SEMA6A: variants seen among roughly 807,000 people sequenced by gnomAD.
The protein encoded by SEMA6A is semaphorin 6A.
A neutral mutation model predicts 96.8 loss-of-function variants in SEMA6A; 25 were observed. The observed-to-expected ratio is 0.26, with a 90% CI of 0.19 to 0.36. SEMA6A has a LOEUF of 0.36. SEMA6A is among the 10% of genes least tolerant of loss of function. SEMA6A has a pLI of 1.00. For synonymous variants in SEMA6A, 612 were observed against 518.0 expected, an observed-to-expected ratio of 1.18 and a Z score of -2.46; for missense variants, 1,363 against 1,323.1, an observed-to-expected ratio of 1.03 and a Z score of -0.47.
chr5:116,533,127 A>G (rs536601735), intron 1 of SEMA6A, among the ~76,000 whole-genome samples: 1 of 152,232 alleles, frequency 6.6e-6, no homozygotes, highest in Non-Finnish European at 1.5e-5. Flanking sequence ...AATTCAAACT[A>G]TGCAAAGCTT....
At chr5:116,458,050 T>C (rs764459345) in intron 18 of SEMA6A, among the ~76,000 whole-genome samples, 4 of 152,100 alleles carry the variant, frequency 2.6e-5, no homozygotes, top group Non-Finnish European at 5.9e-5. Flanking sequence ...GTGGACTAGT[T>C]TGTCTATGGA....
rs543868425 is a variant in SEMA6A at position 116,487,013 on chromosome 5, A to C, written c.745-47T>G. ...GGAAAATTAAATGCATTCATTTTGC[A>C]AGGAGATCTTAGTAGAATCTGCATT... On this transcript the variant is annotated intron_variant, in intron 9 of 18. Transcript: ENST00000343348. The C allele has an allele frequency of 5.0e-6, 7 of 1,388,854 alleles. No individual in the cohort carries two copies. In the East Asian group the frequency reaches 1.1e-4, roughly 23 times the overall value. The allele number at this position is 1,388,854 out of a possible 1,614,324, so 86.0% of individuals were successfully genotyped here.
chr5:116,466,712 C>T (rs1034442598), intron 18 of SEMA6A, among the ~76,000 whole-genome samples: 9 of 152,176 alleles, frequency 5.9e-5, no homozygotes, highest in South Asian at 2.1e-4. Context: ...CTCAAACTCC[C>T]GCTTGGATGA....
chr5:116,567,142 T>G (rs1352300845), intron 1 of SEMA6A, among the ~76,000 whole-genome samples: 1 of 152,076 alleles, frequency 6.6e-6, no homozygotes, highest in African/African-American at 2.4e-5. Flanking sequence ...CTCTGCTTGT[T>G]ATTATTATTA....
chr5:116,465,962 T>C (rs1200485692), intron 18 of SEMA6A, among the ~76,000 whole-genome samples: 2 of 149,932 alleles, frequency 1.3e-5, no homozygotes, highest in African/African-American at 4.9e-5. Flanking sequence ...AGGCTTGTAA[T>C]CTGTCCGGAC....
intron 1 of SEMA6A, among the ~76,000 whole-genome samples, chr5:116,541,141 T>C (rs1027385118): frequency 6.6e-6 from 1 of 152,024 alleles, no homozygotes; most frequent in African/African-American, 2.4e-5. Flanking sequence ...GTGATGGGTG[T>C]TGGGGTGGAG....
At chr5:116,521,756 A>G (rs946087789) in intron 1 of SEMA6A, among the ~76,000 whole-genome samples, 3 of 152,226 alleles carry the variant, frequency 2.0e-5, no homozygotes, top group Admixed American at 1.3e-4. Context: ...GAATGTGTGA[A>G]AGGCTGAGAA....
chr5:116,563,207 C>T (rs1366499851), intron 1 of SEMA6A, among the ~76,000 whole-genome samples: 1 of 152,142 alleles, frequency 6.6e-6, no homozygotes, highest in Non-Finnish European at 1.5e-5. Context: ...ACTGGGGCAC[C>T]ACTCAAAATC....
chr5:116,561,381 C>T (rs969618603), intron 1 of SEMA6A, among the ~76,000 whole-genome samples: 45 of 152,290 alleles, frequency 3.0e-4, no homozygotes, highest in African/African-American at 1.0e-3. Flanking sequence ...ATCTAAACAC[C>T]TCAAAGCTGG....
At position 116,548,095 on chromosome 5, in the gene SEMA6A, C is replaced by T. The variant is rs551441952; in HGVS notation, c.-39+26090G>A. ...ACTTAATTTCCCACTTTGGGGTTGA[C>T]CAGTCTTGAATTGGCTCCAAAGCTC... On this transcript the variant is annotated intron_variant, in intron 1 of 18. Transcript: ENST00000343348. Among the ~76,000 whole-genome samples the T allele has an allele frequency of 2.6e-5, 4 of 152,294 alleles. No homozygotes were observed. The East Asian group carries it at 7.7e-4, about 29-fold the overall frequency.
At chr5:116,505,932 T>C (rs372816912) in intron 1 of SEMA6A, among the ~76,000 whole-genome samples, 9 of 152,274 alleles carry the variant, frequency 5.9e-5, no homozygotes, top group African/African-American at 1.9e-4. Context: ...CTCAGGCATA[T>C]TGCAAATAAG....
intron 1 of SEMA6A, chr5:116,536,304 A>C (rs972667554): frequency 4.6e-5 from 7 of 152,130 alleles, no homozygotes; most frequent in Non-Finnish European, 7.3e-5. Flanking sequence ...TTACAAACAA[A>C]AAAAAAAAGA....
At position 116,502,192 on chromosome 5, in the gene SEMA6A, G is replaced by T; in HGVS notation, c.218+18C>A. 1 of 1,601,162 alleles carries T rather than the reference G, an allele frequency of 6.2e-7. No individual in the cohort carries two copies. Among genetic ancestry groups the T allele is most frequent in the Non-Finnish European group, 8.6e-7 (1 of 1,168,246 alleles). On this transcript the variant is annotated intron_variant, in intron 3 of 18. Coordinates refer to ENST00000343348, the MANE Select transcript of SEMA6A (RefSeq NM_020796.5). ...TTTTGGACACTCTCAAGGCAGACATGGGGAAAAGGCCCCTTACCTAGCAGC... is the reference window on the plus strand; with the variant it reads ...TTTTGGACACTCTCAAGGCAGACATTGGGAAAAGGCCCCTTACCTAGCAGC...
At chr5:116,521,744 G>A (rs1758958576) in intron 1 of SEMA6A, among the ~76,000 whole-genome samples, 1 of 152,182 alleles carries the variant, frequency 6.6e-6, no homozygotes, top group East Asian at 1.9e-4. Context: ...ACTCAAATGA[G>A]AGAATGTGTG....
At chr5:116,543,792 T>A (rs1760075433) in intron 1 of SEMA6A, among the ~76,000 whole-genome samples, 1 of 152,190 alleles carries the variant, frequency 6.6e-6, no homozygotes, top group Non-Finnish European at 1.5e-5. Context: ...TGTGTTTGGA[T>A]AATGTGGTCA....
chr5:116,486,943 C>A lies in SEMA6A; in HGVS notation c.768G>T (p.Gln256His). 2 of 1,613,708 alleles carry A rather than the reference C, an allele frequency of 1.2e-6. No homozygotes were observed. The highest frequency in any genetic ancestry group is 1.7e-6 in the Non-Finnish European group (2 of 1,179,714). Residue 256 changes from glutamine to histidine, a missense_variant, in exon 10 of 19, where the codon CAG (glutamine) becomes CAT (histidine). Physicochemically the swap from Gln to His is conservative, Grantham distance 24. Transcript: ENST00000343348. The stretch of plus-strand genomic sequence containing the variant: ...ATCCTCCCATATCATTCTTACAAAC[C>A]TGAGCCACTCTTGGGAAAACTACCT... ...MGKVVFPRVA[Q>H]VCKNDMGGSQ... is the part of the protein sequence containing the mutation.
chr5:116,488,913 G>C lies in SEMA6A; in HGVS notation c.630C>G (p.Val210=), dbSNP rs1757194351. ...SLGESPTLRT[V]KHDSKWLKEP... is the part of the protein sequence containing the mutation. ...CTTTCAACCATTTTGAATCGTGCTT[G>C]ACGGTCCGCAGGGTAGGGCTTTCTC... Residue 210 remains valine (V), a synonymous_variant, in exon 8 of 19, where the codon GTC becomes GTG. Transcript: ENST00000343348. 2.5e-6 allele frequency: 4 copies of C among 1,584,548 alleles called. No homozygotes were observed. The highest frequency in any genetic ancestry group is 3.4e-6 in the Non-Finnish European group (4 of 1,164,150).
intron 17 of SEMA6A, chr5:116,471,398 A>T (rs181453692): frequency 6.6e-6 from 1 of 152,200 alleles, no homozygotes; most frequent in Admixed American, 6.5e-5. Context: ...GGTATGATTG[A>T]TGAATGCTGG....
intron 9 of SEMA6A, among the ~76,000 whole-genome samples, chr5:116,487,526 A>C (rs965946769): frequency 6.6e-6 from 1 of 152,196 alleles, no homozygotes; most frequent in Non-Finnish European, 1.5e-5. Context: ...TTAAGAAAAA[A>C]AAAACAAAAC....
Sources: allele counts gnomAD v4.1 joint callset (sites outside exome capture counted in the v4.1 genomes callset), GRCh38; gene constraint gnomAD v4.1.1; transcripts MANE v1.5; gene names NCBI Gene and HGNC (gene_info 2026-07-23, HGNC 2026-07-21).